FNBP1L: variants seen among roughly 807,000 people sequenced by gnomAD.
FNBP1L encodes formin-binding protein 1-like.
FNBP1L carries 36 observed loss-of-function variants against 91.2 expected under a neutral mutation model. The ratio of observed to expected loss-of-function variants is 0.39; its 90% confidence interval spans 0.30 to 0.52. FNBP1L has a LOEUF of 0.52. Among genes scored for constraint, FNBP1L ranks in the 20% least tolerant of loss-of-function variants. FNBP1L has a pLI of 0.66. For synonymous variants in FNBP1L, 242 were observed against 237.0 expected, an observed-to-expected ratio of 1.02 and a Z score of -0.19; for missense variants, 571 against 732.1, an observed-to-expected ratio of 0.78 and a Z score of 2.54.
chr1:93,521,512 A>C (rs937779671), intron 2 of FNBP1L, among the ~76,000 whole-genome samples: 6 of 152,172 alleles, frequency 3.9e-5, no homozygotes, highest in Non-Finnish European at 7.4e-5. Flanking sequence ...TGAATACCAA[A>C]ATCCAAAGAT....
At chr1:93,513,613 A>G (rs999160651) in intron 2 of FNBP1L, among the ~76,000 whole-genome samples, 14 of 152,042 alleles carry the variant, frequency 9.2e-5, no homozygotes, top group African/African-American at 2.2e-4. Context: ...GGCTGGTTCA[A>G]TATACGCAAA....
chr1:93,458,216 A>G (rs936698582), intron 1 of FNBP1L, among the ~76,000 whole-genome samples: 3 of 152,200 alleles, frequency 2.0e-5, no homozygotes, highest in African/African-American at 4.8e-5. Flanking sequence ...TCTTGGAGCA[A>G]TATCTTCTCT....
intron 5 of FNBP1L, among the ~76,000 whole-genome samples, chr1:93,529,408 A>G (rs1671600369): frequency 6.6e-6 from 1 of 152,138 alleles, no homozygotes; most frequent in Admixed American, 6.6e-5. Context: ...CACAATACAC[A>G]GTGGCACATT....
intron 1 of FNBP1L, among the ~76,000 whole-genome samples, chr1:93,464,714 T>C (rs1255280217): frequency 6.6e-6 from 1 of 152,216 alleles, no homozygotes. Context: ...TAAACATAAT[T>C]ATTAAATTAT....
At chr1:93,484,540 G>A (rs1047007829) in intron 1 of FNBP1L, among the ~76,000 whole-genome samples, 1 of 152,142 alleles carries the variant, frequency 6.6e-6, no homozygotes, top group Non-Finnish European at 1.5e-5. Context: ...TCCCCTGTTC[G>A]CTAATTATGT....
chr1:93,465,301 C>A (rs1669035920), intron 1 of FNBP1L, among the ~76,000 whole-genome samples: 1 of 152,002 alleles, frequency 6.6e-6, no homozygotes, highest in Non-Finnish European at 1.5e-5. Context: ...TTTGCTGCAC[C>A]TATCAACCCA....
rs201290140 is a variant in FNBP1L at position 93,522,085 on chromosome 1, T to C, written c.144T>C (p.Asn48=). The part of the protein sequence containing the change: ...IEQNYAKQLR[N]LVKKYCPKRS... ...TTAAAAAATCTTCTTCCTATAGAAA[T>C]CTGGTTAAGAAGTACTGCCCCAAAC... is the stretch of plus-strand genomic sequence containing the variant. Residue 48 remains asparagine (N), a synonymous_variant, in exon 3 of 17, where the codon AAT becomes AAC. Transcript: ENST00000271234. The C allele has an allele frequency of 3.0e-5, 45 of 1,517,462 alleles. No individual in the cohort carries two copies. The highest frequency in any genetic ancestry group is 4.0e-5 in the Non-Finnish European group (45 of 1,132,066). 94.0% of individuals were successfully genotyped at this position (1,517,462 alleles called of 1,614,324 possible).
intron 7 of FNBP1L, among the ~76,000 whole-genome samples, chr1:93,531,776 CT>C (rs1413782841): frequency 6.6e-6 from 1 of 152,060 alleles, no homozygotes; most frequent in Non-Finnish European, 1.5e-5. Context: ...TGTTTTGGGC[CT>C]GATACTTGGA....
At chr1:93,495,888 A>T (rs536291885) in intron 1 of FNBP1L, among the ~76,000 whole-genome samples, 1 of 152,348 alleles carries the variant, frequency 6.6e-6, no homozygotes, top group South Asian at 2.1e-4. Context: ...GTACACTTAA[A>T]ATTCTTAGAA....
chr1:93,552,337 A>T, intron 16 of FNBP1L, 72 bp from the exon 17 acceptor site: 2 of 1,550,202 alleles, frequency 1.3e-6, no homozygotes, highest in Non-Finnish European at 1.7e-6. Context: ...AGGCACTTTA[A>T]ACTGAACACC....
At chr1:93,494,718 C>T (rs1670207259) in intron 1 of FNBP1L, among the ~76,000 whole-genome samples, 1 of 152,202 alleles carries the variant, frequency 6.6e-6, no homozygotes, top group Non-Finnish European at 1.5e-5. Context: ...AGTCTGTTCG[C>T]ATACTGCTAA....
chr1:93,551,283 C>T lies in FNBP1L; in HGVS notation c.1810+178C>T. 4 of 1,265,536 alleles carry T rather than the reference C, an allele frequency of 3.2e-6. No homozygotes were observed. The South Asian group carries it at 1.4e-4, about 43-fold the overall frequency. 78.4% of individuals were successfully genotyped at this position (1,265,536 alleles called of 1,614,324 possible). ...GTAGGCTTGATCTTGTGAATATTACCACAAGAAACATTTTGTGGCACTTTA... is the reference window on the plus strand; with the variant it reads ...GTAGGCTTGATCTTGTGAATATTACTACAAGAAACATTTTGTGGCACTTTA... On this transcript the variant is annotated intron_variant, in intron 16 of 16. Transcript: ENST00000271234.
In FNBP1L at chr1:93,532,469, C is replaced by CAA. The variant is rs35188106; in HGVS notation, c.640-434_640-433dup. 9.1e-3 allele frequency among the ~76,000 whole-genome samples: 569 copies of CAA among 62,398 alleles called. 31 individuals are homozygous for CAA. Among genetic ancestry groups the CAA allele is most frequent in the East Asian group, 0.051 (115 of 2,246 alleles). The allele number at this position is 62,398 out of a possible 152,430, so 40.9% of individuals were successfully genotyped here. ...CTGGCGACAGAGCGAGACTCCGCCT[C>CAA]AAAAAAAAAAAAAAAAAAAAGTCTC... On this transcript the variant is annotated intron_variant, in intron 7 of 16. Transcript: ENST00000271234.
intron 10 of FNBP1L, 113 bp downstream of exon 10, chr1:93,536,603 A>C: frequency 1.0e-6 from 1 of 953,628 alleles, no homozygotes; most frequent in Non-Finnish European, 1.4e-6. Context: ...CAGTTTAAAA[A>C]CACCACAGAA....
chr1:93,501,415 A>T (rs1670436059), intron 2 of FNBP1L, among the ~76,000 whole-genome samples: 3 of 152,146 alleles, frequency 2.0e-5, no homozygotes, highest in African/African-American at 4.8e-5. Flanking sequence ...CAGGGTTTTG[A>T]TGTGTCAAAG....
chr1:93,464,536 A>AT (rs750823869), intron 1 of FNBP1L, among the ~76,000 whole-genome samples: 14 of 152,038 alleles, frequency 9.2e-5, no homozygotes, highest in Admixed American at 2.6e-4. Context: ...CTTTTTACAG[A>AT]TTTTTTCAAT....
chr1:93,532,469 CAAA>C (rs35188106), intron 7 of FNBP1L, among the ~76,000 whole-genome samples: 13 of 62,620 alleles, frequency 2.1e-4, no homozygotes, highest in Admixed American at 7.2e-4. Context: ...GACTCCGCCT[CAAA>C]AAAAAAAAAA....
At position 93,552,510 on chromosome 1, in the gene FNBP1L, T is replaced by TA; in HGVS notation, c.*94_*95insA. On this transcript the variant is annotated 3_prime_UTR_variant, in exon 17 of 17. Transcript: ENST00000271234. ...TTAGAGTTGTCAGGCTCAAAGAGAGTGAGAGAAGCAAGTTGCATGAGTGCA... is the reference window on the plus strand; with the variant it reads ...TTAGAGTTGTCAGGCTCAAAGAGAGTAGAGAGAAGCAAGTTGCATGAGTGCA... The TA allele has an allele frequency of 7.0e-7, 1 of 1,421,292 alleles. No individual in the cohort carries two copies. The highest frequency in any genetic ancestry group is 9.6e-7 in the Non-Finnish European group (1 of 1,044,174). The allele number at this position is 1,421,292 out of a possible 1,614,324, so 88.0% of individuals were successfully genotyped here. A position where few individuals can be genotyped will look rare whatever the true frequency, so the allele number is the denominator to read the frequency against.
intron 2 of FNBP1L, among the ~76,000 whole-genome samples, chr1:93,502,032 C>T (rs6674222): frequency 6.6e-6 from 1 of 151,926 alleles, no homozygotes; most frequent in South Asian, 2.1e-4. Flanking sequence ...TTAAAAAAAT[C>T]AGGTGTACCA....
Sources: gnomAD v4.1 joint callset for allele counts (sites outside exome capture counted in the v4.1 genomes callset) on GRCh38, gnomAD v4.1.1 for gene constraint, MANE v1.5 for transcripts, NCBI Gene and HGNC (gene_info 2026-07-23, HGNC 2026-07-21) for gene names.